ZPLD1: variants seen among roughly 807,000 people sequenced by gnomAD.
ZPLD1 encodes zona pellucida-like domain-containing protein 1.
A neutral mutation model predicts 47.2 loss-of-function variants in ZPLD1; 34 were observed. The observed-to-expected ratio is 0.72, with a 90% confidence interval of 0.55 to 0.96. ZPLD1 has a LOEUF of 0.96. Ranked by LOEUF, ZPLD1 falls within the 40% of genes least tolerant of loss-of-function variation. ZPLD1 has a pLI of 0.00. For missense variants in ZPLD1, 512 were observed against 505.8 expected, an observed-to-expected ratio of 1.01 and a Z score of -0.12; for synonymous variants, 176 against 186.2, an observed-to-expected ratio of 0.95 and a Z score of 0.45.
At chr3:102,431,987 A>G (rs911324755), upstream of ZPLD1, among the ~76,000 whole-genome samples, 5 of 152,184 alleles carry the variant, frequency 3.3e-5, no homozygotes, top group Non-Finnish European at 1.5e-5. Context: ...AAGACTGTGT[A>G]ACATCATGAT....
intron 3 of ZPLD1, among the ~76,000 whole-genome samples, chr3:102,450,332 C>A: frequency 6.6e-6 from 1 of 152,114 alleles, no homozygotes; most frequent in East Asian, 1.9e-4. Flanking sequence ...ACTTATATAT[C>A]CTCCACCCAA....
chr3:102,453,136 G>A lies in ZPLD1; in HGVS notation c.324G>A (p.Leu108=). ...CCTTGGAGGGCTGTGGAAACAACCT[G>A]GTGGTAAGATTAGTGTGACATTGTG... The part of the protein sequence containing the change: ...LSTLEGCGNN[L]VVSTIPGVSA... The change falls in exon 4 of 12, where the codon CTG becomes CTA. Residue 108 remains leucine (L), a synonymous_variant. Transcript: ENST00000466937. 1.2e-6 allele frequency: 2 copies of A among 1,613,640 alleles called. No homozygotes were observed. The highest frequency in any genetic ancestry group is 1.7e-6 in the Non-Finnish European group (2 of 1,179,758).
At chr3:102,396,142 G>A (rs185042928) in intron 7 of ZPLD1, among the ~76,000 whole-genome samples, 3 of 152,262 alleles carry the variant, frequency 2.0e-5, no homozygotes, top group Admixed American at 2.0e-4. Context: ...TCAGGCAGAT[G>A]TTGGTGCCTC....
intron 6 of ZPLD1, among the ~76,000 whole-genome samples, chr3:102,390,405 G>A (rs1433991696): frequency 6.6e-6 from 1 of 152,046 alleles, no homozygotes; most frequent in African/African-American, 2.4e-5. Flanking sequence ...TTCTATCTGC[G>A]TTCACAAGAT....
upstream of ZPLD1, among the ~76,000 whole-genome samples, chr3:102,430,852 T>C (rs182885030): frequency 1.7e-4 from 26 of 152,314 alleles, no homozygotes; most frequent in Middle Eastern, 3.4e-3. Flanking sequence ...CAAGTTTTCA[T>C]TGGAGGGAAA....
chr3:102,388,139 C>T (rs985488926), intron 6 of ZPLD1, among the ~76,000 whole-genome samples: 6 of 152,232 alleles, frequency 3.9e-5, no homozygotes, highest in Non-Finnish European at 7.4e-5. Flanking sequence ...GGATTACAGG[C>T]GTGAGCCACC....
intron 3 of ZPLD1, among the ~76,000 whole-genome samples, chr3:102,442,979 T>G (rs1479700889): frequency 6.6e-6 from 1 of 152,148 alleles, no homozygotes; most frequent in Non-Finnish European, 1.5e-5. Context: ...GAATTTAGAG[T>G]ACCAAGGAAT....
intron 6 of ZPLD1, among the ~76,000 whole-genome samples, chr3:102,385,906 C>G (rs1213621234): frequency 6.6e-6 from 1 of 152,194 alleles, no homozygotes; most frequent in East Asian, 1.9e-4. Flanking sequence ...CTGATTAGAT[C>G]ATGAAACTTC....
At chr3:102,456,545 A>ATATATATCTATCTATC (rs147808575) in intron 5 of ZPLD1, among the ~76,000 whole-genome samples, 171 bp downstream of exon 5, 143 of 147,142 alleles carry the variant, frequency 9.7e-4, no homozygotes, top group Non-Finnish European at 1.6e-3. Flanking sequence ...TTTATCTATT[A>ATATATATCTATCTATC]TATCTATCTA....
At chr3:102,462,949 T>G (rs533036896) in intron 7 of ZPLD1, among the ~76,000 whole-genome samples, 29 of 152,280 alleles carry the variant, frequency 1.9e-4, no homozygotes, top group African/African-American at 6.5e-4. Flanking sequence ...TGGCCTGTTT[T>G]GGGTTGCTTA....
intron 8 of ZPLD1, among the ~76,000 whole-genome samples, chr3:102,428,124 T>C (rs367787570): frequency 6.6e-6 from 1 of 152,164 alleles, no homozygotes; most frequent in African/African-American, 2.4e-5. Context: ...TTAATAAAAA[T>C]AGTATGTGTA....
At chr3:102,411,297 C>A (rs1315706484) in intron 7 of ZPLD1, among the ~76,000 whole-genome samples, 1 of 151,744 alleles carries the variant, frequency 6.6e-6, no homozygotes, top group Admixed American at 6.6e-5. Flanking sequence ...TCTAAATCCC[C>A]TTGGGGTACA....
In ZPLD1 at chr3:102,458,192, T is replaced by C. The variant is rs541789967; in HGVS notation, c.582+339T>C. On this transcript the variant is annotated intron_variant, in intron 6 of 11. Coordinates refer to ENST00000466937, the MANE Select transcript of ZPLD1 (RefSeq NM_001329788.2). Reference sequence around the variant, plus strand: ...ACAGTTAGCTTCAAGATTTAGGAAATATATATTTTTTTTATGTGTGATACA... The same window carrying C: ...ACAGTTAGCTTCAAGATTTAGGAAACATATATTTTTTTTATGTGTGATACA... 4.9e-4 allele frequency among the ~76,000 whole-genome samples: 75 copies of C among 152,262 alleles called. 2 individuals carry two copies. The highest frequency in any genetic ancestry group is 4.1e-3 in the Admixed American group (63 of 15,280).
intron 6 of ZPLD1, among the ~76,000 whole-genome samples, chr3:102,459,043 T>C (rs1031450289): frequency 3.9e-4 from 47 of 121,752 alleles, no homozygotes; most frequent in Non-Finnish European, 4.2e-4. Context: ...GGAGCCGAGA[T>C]AGCACCACTG....
chr3:102,455,814 A>C (rs560733155), intron 4 of ZPLD1, among the ~76,000 whole-genome samples: 1 of 152,200 alleles, frequency 6.6e-6, no homozygotes, highest in South Asian at 2.1e-4. Context: ...CAGCATTATC[A>C]TCAAGAGTTG....
At chr3:102,457,662 G>A in intron 5 of ZPLD1, 119 bp from the exon 6 acceptor site, 1 of 850,774 alleles carries the variant, frequency 1.2e-6, no homozygotes, top group Admixed American at 2.2e-5. Context: ...AGCAACTCCA[G>A]GTATAATTAA....
intron 7 of ZPLD1, among the ~76,000 whole-genome samples, chr3:102,405,764 T>C (rs1706674317): frequency 6.6e-6 from 1 of 152,042 alleles, no homozygotes; most frequent in South Asian, 2.1e-4. Flanking sequence ...TATTCTTCTT[T>C]GTCCTGTTCA....
At chr3:102,396,472 G>A (rs564356838) in intron 7 of ZPLD1, among the ~76,000 whole-genome samples, 1 of 152,048 alleles carries the variant, frequency 6.6e-6, no homozygotes, top group Non-Finnish European at 1.5e-5. Context: ...AAACTAATGG[G>A]TTACATCTTT....
intron 7 of ZPLD1, among the ~76,000 whole-genome samples, chr3:102,410,350 A>G (rs1413739688): frequency 2.0e-5 from 3 of 151,672 alleles, no homozygotes; most frequent in African/African-American, 7.3e-5. Context: ...GCATTACTTT[A>G]CTTTTGTTTT....
Sources: allele counts gnomAD v4.1 joint callset (sites outside exome capture counted in the v4.1 genomes callset), GRCh38; gene constraint gnomAD v4.1.1; transcripts MANE v1.5; gene names NCBI Gene and HGNC (gene_info 2026-07-23, HGNC 2026-07-21).